The following COL21A1 variants were observed in gnomAD, a reference collection of about 807,000 sequenced individuals.
COL21A1 encodes collagen alpha-1(XXI) chain.
A neutral mutation model predicts 137.9 loss-of-function variants in COL21A1; 149 were observed. That is an observed-to-expected ratio of 1.08 (90% CI 0.95 to 1.24). The LOEUF is 1.24. COL21A1 is among the 50% of genes most tolerant of loss of function. The probability of loss-of-function intolerance (pLI) is 0.00; values close to 1 mark genes in which losing one functional copy is unlikely to be tolerated. For synonymous variants in COL21A1, 456 were observed against 391.5 expected, an observed-to-expected ratio of 1.16 and a Z score of -1.95; for missense variants, 1,167 against 1,158.4, an observed-to-expected ratio of 1.01 and a Z score of -0.11.
intron 16 of COL21A1, among the ~76,000 whole-genome samples, chr6:56,108,117 T>C (rs1232102814): frequency 6.6e-6 from 1 of 151,890 alleles, no homozygotes; most frequent in Non-Finnish European, 1.5e-5. Context: ...AATAAAAATA[T>C]AAATTTTCCT....
At chr6:56,392,324 G>T (rs1169745250) in intron 1 of COL21A1, among the ~76,000 whole-genome samples, 1 of 151,906 alleles carries the variant, frequency 6.6e-6, no homozygotes. Context: ...CTCAGAAATG[G>T]GTATAGAAGG....
intron 1 of COL21A1, among the ~76,000 whole-genome samples, chr6:56,368,983 T>C (rs1344254696): frequency 6.6e-6 from 1 of 152,198 alleles, no homozygotes; most frequent in Non-Finnish European, 1.5e-5. Context: ...ATGGGCAGCA[T>C]GGTATTTTCT....
At chr6:56,324,216 C>T (rs1764944198) in intron 1 of COL21A1, among the ~76,000 whole-genome samples, 2 of 152,208 alleles carry the variant, frequency 1.3e-5, no homozygotes, top group South Asian at 2.1e-4. Context: ...TCTCCTTTAA[C>T]TCAACCAGCC....
chr6:56,372,137 A>T (rs2093990688), intron 1 of COL21A1, among the ~76,000 whole-genome samples: 1 of 152,166 alleles, frequency 6.6e-6, no homozygotes, highest in African/African-American at 2.4e-5. Flanking sequence ...CAACTCCTGG[A>T]GAGGAAGGAG....
chr6:56,106,809 C>CA (rs1215411927), intron 16 of COL21A1, among the ~76,000 whole-genome samples: 1 of 150,086 alleles, frequency 6.7e-6, no homozygotes, highest in African/African-American at 2.5e-5. Flanking sequence ...TTTTTTGAGA[C>CA]AGAGTTTCGC....
At chr6:56,220,683 T>C (rs1780773882) in intron 1 of COL21A1, among the ~76,000 whole-genome samples, 1 of 152,190 alleles carries the variant, frequency 6.6e-6, no homozygotes. Flanking sequence ...ATTCTATCTT[T>C]AGACAGTTCT....
At chr6:56,215,528 A>G (rs920281289) in intron 1 of COL21A1, among the ~76,000 whole-genome samples, 6 of 152,028 alleles carry the variant, frequency 3.9e-5, no homozygotes, top group African/African-American at 1.4e-4. Flanking sequence ...AGTCGAAACT[A>G]CTGGTTTTCA....
intron 1 of COL21A1, among the ~76,000 whole-genome samples, chr6:56,339,499 G>C (rs1390990975): frequency 3.3e-5 from 5 of 152,088 alleles, no homozygotes; most frequent in Non-Finnish European, 7.4e-5. Flanking sequence ...AAACAAAAGA[G>C]TTTTGAATTA....
At chr6:56,337,209 C>A (rs570096347) in intron 1 of COL21A1, among the ~76,000 whole-genome samples, 1 of 152,104 alleles carries the variant, frequency 6.6e-6, no homozygotes, top group Non-Finnish European at 1.5e-5. Context: ...GGACAATGAA[C>A]CTTTTTAATT....
intron 23 of COL21A1, among the ~76,000 whole-genome samples, chr6:56,066,242 A>G (rs1024061734): frequency 6.6e-6 from 1 of 151,976 alleles, no homozygotes; most frequent in Non-Finnish European, 1.5e-5. Flanking sequence ...TTCGATAAAA[A>G]TTGTCTAAAA....
intron 1 of COL21A1, among the ~76,000 whole-genome samples, chr6:56,281,793 CTG>C (rs1366411157): frequency 6.6e-6 from 1 of 152,108 alleles, no homozygotes; most frequent in Non-Finnish European, 1.5e-5. Flanking sequence ...AGGTAGAAGA[CTG>C]AGTACAGGCA....
At chr6:56,313,148 G>C (rs183306210) in intron 1 of COL21A1, among the ~76,000 whole-genome samples, 2 of 152,178 alleles carry the variant, frequency 1.3e-5, no homozygotes, top group East Asian at 3.9e-4. Context: ...CAAAGTACAG[G>C]GCAAGTGGAG....
chr6:56,242,464 A>G (rs762016574), intron 1 of COL21A1, among the ~76,000 whole-genome samples: 13 of 152,178 alleles, frequency 8.5e-5, no homozygotes, highest in Non-Finnish European at 1.3e-4. Flanking sequence ...GAGTACATAA[A>G]CAAACAGTTA....
In COL21A1 at chr6:56,102,222, C is replaced by T. The variant is rs1458551564; in HGVS notation, c.1759-697G>A. The stretch of plus-strand genomic sequence containing the variant: ...CTTCTACTAAAACAATAAATATTAG[C>T]TGAATATAATCCTAAAATGTATAAT... On this transcript the variant is annotated intron_variant, in intron 16 of 29. Coordinates refer to ENST00000244728, the MANE Select transcript of COL21A1 (RefSeq NM_030820.4). Among the ~76,000 whole-genome samples the T allele has an allele frequency of 1.1e-4, 17 of 152,180 alleles. No individual in the cohort carries two copies. In the South Asian group the frequency reaches 3.5e-3, roughly 32 times the overall value.
intron 3 of COL21A1, among the ~76,000 whole-genome samples, chr6:56,174,192 G>T (rs1777276180): frequency 6.6e-6 from 1 of 151,140 alleles, no homozygotes; most frequent in Non-Finnish European, 1.5e-5. Context: ...TAAGAGAGAA[G>T]TTTATAGCAA....
rs546870601 is a variant in COL21A1, at chr6:56,214,637, C to G, written c.-38-31981G>C. ...GACTCAACATTCTACCCTAAACAGT[C>G]AAGGCCCCCCTTTTTTTTTTCATTT... On this transcript the variant is annotated intron_variant, in intron 1 of 29. Coordinates refer to ENST00000244728, the MANE Select transcript of COL21A1 (RefSeq NM_030820.4). Among the ~76,000 whole-genome samples, 7 of 151,648 alleles carry G rather than the reference C, an allele frequency of 4.6e-5. No individual in the cohort carries two copies. The East Asian group carries it at 1.2e-3, about 25-fold the overall frequency.
At chr6:56,198,218 G>A (rs1381889314) in intron 1 of COL21A1, among the ~76,000 whole-genome samples, 1 of 152,052 alleles carries the variant, frequency 6.6e-6, no homozygotes, top group Non-Finnish European at 1.5e-5. Context: ...AGGCTGGGGA[G>A]GAGGAAGAGA....
chr6:56,154,164 G>C (rs909976352), intron 10 of COL21A1, among the ~76,000 whole-genome samples: 3 of 152,044 alleles, frequency 2.0e-5, no homozygotes, highest in Non-Finnish European at 2.9e-5. Context: ...TTGATAAAAA[G>C]GATGACTGAC....
At chr6:56,366,172 T>C (rs560701807) in intron 1 of COL21A1, among the ~76,000 whole-genome samples, 2 of 152,158 alleles carry the variant, frequency 1.3e-5, no homozygotes, top group East Asian at 3.9e-4. Flanking sequence ...ATGTAGACAC[T>C]GAAGCCACAG....
Sources: gnomAD v4.1 joint callset for allele counts (sites outside exome capture counted in the v4.1 genomes callset) on GRCh38, gnomAD v4.1.1 for gene constraint, MANE v1.5 for transcripts, NCBI Gene and HGNC (gene_info 2026-07-23, HGNC 2026-07-21) for gene names.